The following SIPA1L2 variants were observed in gnomAD, a reference collection of about 807,000 sequenced individuals.
The protein encoded by SIPA1L2 is signal-induced proliferation-associated 1-like protein 2.
SIPA1L2 carries 56 observed loss-of-function variants against 163.9 expected under a neutral mutation model. The ratio of observed to expected loss-of-function variants is 0.34; its 90% confidence interval spans 0.28 to 0.43. The LOEUF (loss-of-function observed/expected upper bound fraction) is 0.43, where lower values mean the gene tolerates loss of function less well. SIPA1L2 is among the 20% of genes least tolerant of loss of function. The probability of loss-of-function intolerance (pLI) is 1.00; values close to 1 mark genes in which losing one functional copy is unlikely to be tolerated. For missense variants in SIPA1L2, 1,974 were observed against 2,193.5 expected, an observed-to-expected ratio of 0.90 and a Z score of 2.00; for synonymous variants, 877 against 865.7, an observed-to-expected ratio of 1.01 and a Z score of -0.23.
At chr1:232,456,502 A>G (rs1663926568) in intron 10 of SIPA1L2, among the ~76,000 whole-genome samples, 1 of 152,188 alleles carries the variant, frequency 6.6e-6, no homozygotes, top group African/African-American at 2.4e-5. Context: ...AAAAAATCAC[A>G]AAAAAACAGA....
At position 232,475,391 on chromosome 1, in the gene SIPA1L2, A is replaced by G. The variant is rs578029986; in HGVS notation, c.2086-3863T>C. Among the ~76,000 whole-genome samples the G allele has an allele frequency of 1.1e-4, 16 of 152,316 alleles. No individual in the cohort carries two copies. The South Asian group carries it at 3.3e-3, about 32-fold the overall frequency. ...GCCCTAATTTTGCACTTATACATAC[A>G]TATGCATGTACATAAACACACATAT... On this transcript the variant is annotated intron_variant, in intron 7 of 22. Coordinates refer to ENST00000674635, the MANE Select transcript of SIPA1L2 (RefSeq NM_020808.5).
intron 10 of SIPA1L2, among the ~76,000 whole-genome samples, chr1:232,458,952 A>G (rs918637160): frequency 2.0e-5 from 3 of 152,238 alleles, no homozygotes; most frequent in African/African-American, 7.2e-5. Flanking sequence ...AGGCAATAAG[A>G]AACATCTTAA....
intron 2 of SIPA1L2, among the ~76,000 whole-genome samples, chr1:232,554,541 T>A (rs181103389): frequency 4.6e-5 from 7 of 152,288 alleles, no homozygotes; most frequent in Non-Finnish European, 8.8e-5. Context: ...CAGGATACCA[T>A]GTAGATTTCC....
intron 19 of SIPA1L2, among the ~76,000 whole-genome samples, chr1:232,411,907 T>C (rs1478485135): frequency 6.6e-6 from 1 of 152,230 alleles, no homozygotes; most frequent in Non-Finnish European, 1.5e-5. Flanking sequence ...CTTTTTCTTA[T>C]TTAATTCTAT....
chr1:232,433,914 C>T (rs1662398110), intron 15 of SIPA1L2, among the ~76,000 whole-genome samples: 1 of 152,136 alleles, frequency 6.6e-6, no homozygotes, highest in South Asian at 2.1e-4. Context: ...CCTCAGTTTT[C>T]TCATCTGTAA....
chr1:232,416,571 C>T (rs1661278530), intron 18 of SIPA1L2, among the ~76,000 whole-genome samples: 1 of 152,206 alleles, frequency 6.6e-6, no homozygotes, highest in Admixed American at 6.5e-5. Flanking sequence ...TTGGAACAAT[C>T]TCCATCCTGA....
chr1:232,592,684 C>G (rs993876328), intron 1 of SIPA1L2, among the ~76,000 whole-genome samples: 2 of 151,950 alleles, frequency 1.3e-5, no homozygotes, highest in Admixed American at 1.3e-4. Flanking sequence ...ACAACAACAA[C>G]AACAAATCTT....
chr1:232,559,777 A>C (rs1658926218), intron 2 of SIPA1L2, among the ~76,000 whole-genome samples: 1 of 152,230 alleles, frequency 6.6e-6, no homozygotes, highest in South Asian at 2.1e-4. Context: ...TAAAACAAAG[A>C]AGCCTTGGTT....
In SIPA1L2 at chr1:232,514,311, T is replaced by C; in HGVS notation, c.1029A>G (p.Glu343=). The C allele has an allele frequency of 1.9e-6, 3 of 1,613,426 alleles. No homozygotes were observed. Among genetic ancestry groups the C allele is most frequent in the Non-Finnish European group, 2.5e-6 (3 of 1,180,036 alleles). ...CCACATTAGCCCTCGTAGCCATGGCTTCGTTGATATTAAACAAAATGCTCT... is the reference window on the plus strand; with the variant it reads ...CCACATTAGCCCTCGTAGCCATGGCCTCGTTGATATTAAACAAAATGCTCT... ...DVQSILFNIN[E]AMATRANVGK... is the part of the protein sequence containing the mutation. The change falls in exon 3 of 23, where the codon GAA becomes GAG. Residue 343 remains glutamate, a synonymous_variant. Transcript: ENST00000674635.
chr1:232,407,756 T>C (rs1660725142), intron 19 of SIPA1L2, among the ~76,000 whole-genome samples: 1 of 152,216 alleles, frequency 6.6e-6, no homozygotes, highest in Non-Finnish European at 1.5e-5. Flanking sequence ...CTAGGATCAC[T>C]AGTTGGTGAT....
intron 3 of SIPA1L2, among the ~76,000 whole-genome samples, chr1:232,505,224 C>T (rs1361994344): frequency 6.6e-6 from 1 of 152,154 alleles, no homozygotes; most frequent in African/African-American, 2.4e-5. Flanking sequence ...AGGTGGAGCC[C>T]ACTGATAACG....
chr1:232,519,156 C>A (rs551291989), intron 2 of SIPA1L2, among the ~76,000 whole-genome samples: 1 of 152,186 alleles, frequency 6.6e-6, no homozygotes, highest in Non-Finnish European at 1.5e-5. Context: ...TTCCCACCCC[C>A]ACTTCCATAC....
intron 1 of SIPA1L2, among the ~76,000 whole-genome samples, chr1:232,585,700 A>C (rs903487661): frequency 5.9e-5 from 9 of 152,226 alleles, no homozygotes; most frequent in Non-Finnish European, 1.3e-4. Flanking sequence ...CTCATTCTCC[A>C]TAACAAGGTT....
At chr1:232,484,009 G>A (rs776496789) in intron 5 of SIPA1L2, 43 bp from the exon 6 acceptor site, 2 of 1,558,498 alleles carry the variant, frequency 1.3e-6, no homozygotes, top group South Asian at 2.4e-5. Context: ...AAGCATATCA[G>A]ACAAGCTAAC....
At chr1:232,565,088 C>T (rs1659327785) in intron 2 of SIPA1L2, among the ~76,000 whole-genome samples, 1 of 152,080 alleles carries the variant, frequency 6.6e-6, no homozygotes, top group Non-Finnish European at 1.5e-5. Context: ...AGTAAGTACA[C>T]TAAATGAAAG....
rs1357743700 is a variant in SIPA1L2 at position 232,404,176 on chromosome 1, G to C, written c.4765C>G (p.Leu1589Val). The change falls in exon 20 of 23, where the codon CTT (leucine) becomes GTT (valine). Residue 1589 changes from leucine (L) to valine (V), a missense_variant and splice_region_variant. Coordinates refer to ENST00000674635, the MANE Select transcript of SIPA1L2 (RefSeq NM_020808.5). ...LVDAARAFEGLDSDEELGLLC... is the reference protein window; with the variant it reads ...LVDAARAFEGVDSDEELGLLC... ...AGCCCCAGTTCTTCATCTGAGTCAA[G>C]ACCTGAAATAAGATTTAGAATTTTC... 6.2e-7 allele frequency: 1 copy of C among 1,613,862 alleles called. No homozygotes were observed. The highest frequency in any genetic ancestry group is 8.5e-7 in the Non-Finnish European group (1 of 1,179,960).
rs1170747928 is a variant in SIPA1L2 at position 232,464,927 on chromosome 1, T to A, written c.2733A>T (p.Lys911Asn). 2 of 1,614,130 alleles carry A rather than the reference T, an allele frequency of 1.2e-6. No homozygotes were observed. The highest frequency in any genetic ancestry group is 1.7e-6 in the Non-Finnish European group (2 of 1,180,056). The change falls in exon 9 of 23, where the codon AAA (lysine) becomes AAT (asparagine). Residue 911 changes from lysine to asparagine, a missense_variant. Physicochemically the swap from Lys to Asn is moderately conservative, Grantham distance 94. Transcript: ENST00000674635. Reference sequence around the variant, plus strand: ...CACATTCTCCTCTTTCGTAAAACACTTTGATACTCACTAATCCAGATGTCC... The same window carrying A: ...CACATTCTCCTCTTTCGTAAAACACATTGATACTCACTAATCCAGATGTCC... ...IGWTSGLVSI[K>N]VFYERGECVL...
intron 22 of SIPA1L2, among the ~76,000 whole-genome samples, chr1:232,399,715 G>A (rs554124143): frequency 1.3e-5 from 2 of 152,208 alleles, no homozygotes; most frequent in East Asian, 3.9e-4. Flanking sequence ...AAGCTTTCCT[G>A]CTATACTATA....
At chr1:232,543,864 T>G (rs1657846115) in intron 2 of SIPA1L2, among the ~76,000 whole-genome samples, 1 of 152,100 alleles carries the variant, frequency 6.6e-6, no homozygotes, top group Non-Finnish European at 1.5e-5. Flanking sequence ...CTCCACTCTA[T>G]CTCAAAAACA....
Sources: allele counts gnomAD v4.1 joint callset (sites outside exome capture counted in the v4.1 genomes callset), GRCh38; gene constraint gnomAD v4.1.1; transcripts MANE v1.5; gene names NCBI Gene and HGNC (gene_info 2026-07-23, HGNC 2026-07-21).